The following PLXDC2 variants were observed in gnomAD, a reference collection of about 807,000 sequenced individuals.
PLXDC2 encodes the protein plexin domain-containing protein 2.
Under a neutral mutation model 68.9 loss-of-function variants are expected in PLXDC2, and 40 were observed. The ratio of observed to expected loss-of-function variants is 0.58; its 90% CI spans 0.45 to 0.76. The LOEUF is 0.76. Among genes scored for constraint, PLXDC2 ranks in the 30% least tolerant of loss-of-function variants. The pLI is 0.00. For missense variants in PLXDC2, 644 were observed against 661.9 expected (o/e 0.97, Z 0.30); for synonymous variants, 243 against 234.2 (o/e 1.04, Z -0.34).
intron 12 of PLXDC2, among the ~76,000 whole-genome samples, chr10:20,230,437 A>T (rs1835345588): frequency 6.6e-6 from 1 of 152,084 alleles, no homozygotes; most frequent in African/African-American, 2.4e-5. Flanking sequence ...TGCGGGGCCG[A>T]GGAGGGCAGA....
At chr10:20,262,838 A>G (rs921929692) in intron 13 of PLXDC2, among the ~76,000 whole-genome samples, 2 of 152,172 alleles carry the variant, frequency 1.3e-5, no homozygotes, top group Admixed American at 6.5e-5. Flanking sequence ...GCCCATTCCC[A>G]TATCTCCTCA....
At chr10:19,852,046 C>T (rs936339857) in intron 1 of PLXDC2, among the ~76,000 whole-genome samples, 3 of 152,162 alleles carry the variant, frequency 2.0e-5, no homozygotes, top group Non-Finnish European at 2.9e-5. Context: ...ACATCAGTTT[C>T]ACTTGGGAGT....
chr10:19,829,361 G>A (rs563209362), intron 1 of PLXDC2, among the ~76,000 whole-genome samples: 12 of 152,120 alleles, frequency 7.9e-5, no homozygotes, highest in African/African-American at 2.7e-4. Context: ...GCTTGTTAGC[G>A]TTCCACTTTT....
At chr10:20,210,283 T>A (rs1215687815) in intron 9 of PLXDC2, among the ~76,000 whole-genome samples, 1 of 152,184 alleles carries the variant, frequency 6.6e-6, no homozygotes, top group Non-Finnish European at 1.5e-5. Flanking sequence ...GAATATAGTA[T>A]AATAAAAGTT....
At chr10:19,882,465 G>A (rs574937691) in intron 1 of PLXDC2, among the ~76,000 whole-genome samples, 15 of 152,290 alleles carry the variant, frequency 9.8e-5, no homozygotes, top group South Asian at 4.1e-4. Flanking sequence ...GGTTAGTGAA[G>A]TTTGAAAAAA....
intron 4 of PLXDC2, among the ~76,000 whole-genome samples, chr10:20,077,526 T>C (rs986258189): frequency 1.3e-5 from 2 of 152,208 alleles, no homozygotes; most frequent in African/African-American, 4.8e-5. Context: ...TTGATCTGAC[T>C]AGCCTGAGGG....
At chr10:20,256,547 T>C (rs1835744676) in intron 13 of PLXDC2, among the ~76,000 whole-genome samples, 1 of 152,154 alleles carries the variant, frequency 6.6e-6, no homozygotes, top group African/African-American at 2.4e-5. Context: ...TTTACAAAAG[T>C]AAAATAAATT....
At chr10:20,201,589 A>G (rs1399691639) in intron 9 of PLXDC2, among the ~76,000 whole-genome samples, 1 of 152,064 alleles carries the variant, frequency 6.6e-6, no homozygotes, top group East Asian at 1.9e-4. Flanking sequence ...GTAGTTAACA[A>G]TACTATATAT....
intron 1 of PLXDC2, among the ~76,000 whole-genome samples, chr10:19,857,725 C>A (rs1435429242): frequency 6.6e-6 from 1 of 152,090 alleles, no homozygotes; most frequent in Non-Finnish European, 1.5e-5. Flanking sequence ...AAAATATATG[C>A]CTGTTCTCCA....
At chr10:19,908,854 G>C (rs1200489895) in intron 1 of PLXDC2, among the ~76,000 whole-genome samples, 1 of 152,106 alleles carries the variant, frequency 6.6e-6, no homozygotes, top group African/African-American at 2.4e-5. Context: ...AGAAAGCTCT[G>C]TCCCTACAAT....
intron 1 of PLXDC2, among the ~76,000 whole-genome samples, chr10:19,987,222 A>G (rs1564648216): frequency 6.6e-6 from 1 of 152,138 alleles, no homozygotes; most frequent in Admixed American, 6.5e-5. Context: ...GAATAACCAC[A>G]TGTTCGATCA....
intron 12 of PLXDC2, among the ~76,000 whole-genome samples, chr10:20,222,353 G>A (rs1012882616): frequency 2.0e-5 from 3 of 152,130 alleles, no homozygotes; most frequent in African/African-American, 2.4e-5. Context: ...ATACTTCTGA[G>A]CAGCTGGACA....
At chr10:20,148,046 G>GT in intron 6 of PLXDC2, 144 bp downstream of exon 6, 1 of 618,130 alleles carries the variant, frequency 1.6e-6, no homozygotes. Context: ...AATAAAAAAT[G>GT]TTTTGATTAG....
At chr10:20,140,455 G>A (rs1229023254) in intron 4 of PLXDC2, among the ~76,000 whole-genome samples, 1 of 65,520 alleles carries the variant, frequency 1.5e-5, no homozygotes, top group Non-Finnish European at 3.2e-5. Flanking sequence ...CTAATCTTTA[G>A]CTGGGAATGC....
intron 2 of PLXDC2, among the ~76,000 whole-genome samples, chr10:20,020,178 ATTTTTTTT>A (rs71388889): frequency 9.3e-6 from 1 of 107,354 alleles, no homozygotes; most frequent in African/African-American, 4.1e-5. Context: ...CACCCAGCAA[ATTTTTTTT>A]TTTTTTTTTT....
At chr10:19,979,141 A>T (rs1000307125) in intron 1 of PLXDC2, among the ~76,000 whole-genome samples, 1 of 152,082 alleles carries the variant, frequency 6.6e-6, no homozygotes, top group Non-Finnish European at 1.5e-5. Context: ...CATAAACTTC[A>T]TTTGCTATGG....
At chr10:19,856,365 A>AACAC (rs1026568869) in intron 1 of PLXDC2, among the ~76,000 whole-genome samples, 130 of 132,126 alleles carry the variant, frequency 9.8e-4, no homozygotes, top group African/African-American at 3.7e-3. Flanking sequence ...TACACACACA[A>AACAC]ACACACACAC....
chr10:19,838,592 C>T (rs1479486189), intron 1 of PLXDC2, among the ~76,000 whole-genome samples: 1 of 152,120 alleles, frequency 6.6e-6, no homozygotes, highest in Non-Finnish European at 1.5e-5. Flanking sequence ...TCTTATAGAA[C>T]AAAGATAGAA....
At chr10:19,858,619 A>G (rs1010156732) in intron 1 of PLXDC2, among the ~76,000 whole-genome samples, 4 of 152,214 alleles carry the variant, frequency 2.6e-5, no homozygotes, top group Non-Finnish European at 5.9e-5. Context: ...AATTAGCTGC[A>G]TTGAAGAAAC....
Sources: allele counts gnomAD v4.1 joint callset (sites outside exome capture counted in the v4.1 genomes callset), GRCh38; gene constraint gnomAD v4.1.1; transcripts MANE v1.5; gene names NCBI Gene and HGNC (gene_info 2026-07-23, HGNC 2026-07-21).